Variants in B3GALT1 observed in about 807,000 individuals in gnomAD.
B3GALT1 encodes the protein beta-1,3-galactosyltransferase 1.
Under a neutral mutation model 23.2 loss-of-function variants are expected in B3GALT1, and 10 were observed. That is an observed-to-expected ratio of 0.43 (90% CI 0.27 to 0.73). B3GALT1 has a LOEUF of 0.73. Among genes scored for constraint, B3GALT1 ranks in the 30% least tolerant of loss-of-function variants. The probability of loss-of-function intolerance (pLI) is 0.21; values close to 1 mark genes in which losing one functional copy is unlikely to be tolerated. For missense variants in B3GALT1, 299 were observed against 405.4 expected (o/e 0.74, Z 2.25); for synonymous variants, 156 against 141.5 (o/e 1.10, Z -0.73).
chr2:167,663,880 G>A (rs867686952), intron 3 of B3GALT1, among the ~76,000 whole-genome samples: 30 of 151,982 alleles, frequency 2.0e-4, no homozygotes, highest in Middle Eastern at 3.4e-3. Flanking sequence ...CAGATGAGTA[G>A]GTTGCGAAAA....
intron 1 of B3GALT1, among the ~76,000 whole-genome samples, chr2:167,365,557 G>T (rs1697572371): frequency 1.3e-5 from 2 of 149,824 alleles, no homozygotes; most frequent in Middle Eastern, 3.4e-3. Flanking sequence ...TTTTCTTAGG[G>T]AATGCATATT....
chr2:167,424,131 A>G (rs1036573211), intron 1 of B3GALT1, among the ~76,000 whole-genome samples: 3 of 152,196 alleles, frequency 2.0e-5, no homozygotes, highest in South Asian at 4.1e-4. Flanking sequence ...AGCATCTAAC[A>G]TGCTAAATTG....
rs910300423 is a variant in B3GALT1, at chr2:167,675,647, C to G, written c.-352+28681C>G. On this transcript the variant is annotated intron_variant, in intron 3 of 4. Transcript: ENST00000392690. ...TTATTTTCCAAAACAGTGAACAACT[C>G]CTAGCAAAAACAAACCCCAAAAACT... is the stretch of plus-strand genomic sequence containing the variant. 9.9e-5 allele frequency among the ~76,000 whole-genome samples: 15 copies of G among 152,282 alleles called. No homozygotes were observed. In the East Asian group the frequency reaches 2.9e-3, roughly 29 times the overall value.
At chr2:167,688,023 G>A (rs1686645174) in intron 3 of B3GALT1, among the ~76,000 whole-genome samples, 3 of 152,018 alleles carry the variant, frequency 2.0e-5, no homozygotes, top group Admixed American at 6.6e-5. Context: ...ATAGCTAGCT[G>A]TGAATTTTTT....
chr2:167,641,204 C>T (rs1685647356), intron 2 of B3GALT1, among the ~76,000 whole-genome samples: 1 of 152,044 alleles, frequency 6.6e-6, no homozygotes, highest in Non-Finnish European at 1.5e-5. Context: ...ATTTTAATAA[C>T]CTCTATCTAT....
intron 2 of B3GALT1, among the ~76,000 whole-genome samples, chr2:167,555,040 T>A (rs545741787): frequency 6.6e-6 from 1 of 152,186 alleles, no homozygotes; most frequent in Non-Finnish European, 1.5e-5. Context: ...CTGAGTGATA[T>A]ACAAATCCAA....
intron 3 of B3GALT1, among the ~76,000 whole-genome samples, chr2:167,676,765 G>A (rs965604239): frequency 1.3e-5 from 2 of 152,046 alleles, no homozygotes; most frequent in Non-Finnish European, 2.9e-5. Context: ...TCGAACTCCT[G>A]GCCTCAAGTG....
chr2:167,566,724 A>G (rs1354809828), intron 2 of B3GALT1, among the ~76,000 whole-genome samples: 1 of 152,118 alleles, frequency 6.6e-6, no homozygotes, highest in Non-Finnish European at 1.5e-5. Context: ...CATGTATAGA[A>G]TGGGTCTAAA....
chr2:167,840,998 G>A (rs1302422580), intron 4 of B3GALT1, among the ~76,000 whole-genome samples: 1 of 134,088 alleles, frequency 7.5e-6, no homozygotes, highest in Non-Finnish European at 1.6e-5. Context: ...ACACAGGAAT[G>A]GGAACATCAT....
chr2:167,371,236 T>C (rs1697680187), intron 1 of B3GALT1, among the ~76,000 whole-genome samples: 1 of 152,114 alleles, frequency 6.6e-6, no homozygotes. Flanking sequence ...TCGTACATAG[T>C]AGGTACTCAA....
Position 167,762,970 on chromosome 2 carries a change from C to G in B3GALT1, c.-351-55702C>G, listed in dbSNP as rs1272110179. On this transcript the variant is annotated intron_variant, in intron 3 of 4. Transcript: ENST00000392690. ...CTGAAACAGTTACCATTATTCTTGCCCAGAGGGTGAATAGACCTGAAACTC... is the reference window on the plus strand; with the variant it reads ...CTGAAACAGTTACCATTATTCTTGCGCAGAGGGTGAATAGACCTGAAACTC... Among the ~76,000 whole-genome samples the G allele has an allele frequency of 2.0e-5, 3 of 152,070 alleles. No individual in the cohort carries two copies. In the East Asian group the frequency reaches 5.8e-4, roughly 29 times the overall value.
Position 167,483,063 on chromosome 2 carries a change from G to C in B3GALT1, c.-510-7114G>C, listed in dbSNP as rs553728243. Among the ~76,000 whole-genome samples, 244 of 152,218 alleles carry C rather than the reference G, an allele frequency of 1.6e-3. 3 individuals carry two copies. The highest frequency in any genetic ancestry group is 1.1e-3 in the Non-Finnish European group (76 of 68,012). On this transcript the variant is annotated intron_variant, in intron 1 of 4. Coordinates refer to ENST00000392690, the MANE Select transcript of B3GALT1 (RefSeq NM_020981.4). ...AATCCCAGCACTTTGGGAGGTGGAG[G>C]CAGGCAGATCACCTGAGGATGGGAG... is the stretch of plus-strand genomic sequence containing the variant.
At chr2:167,579,548 A>G (rs181120810) in intron 2 of B3GALT1, among the ~76,000 whole-genome samples, 83 of 151,096 alleles carry the variant, frequency 5.5e-4, no homozygotes, top group African/African-American at 1.9e-3. Flanking sequence ...TATGTTTTCA[A>G]GGTCGCTGAC....
intron 1 of B3GALT1, among the ~76,000 whole-genome samples, chr2:167,324,440 G>C (rs1696860804): frequency 6.6e-6 from 1 of 151,980 alleles, no homozygotes; most frequent in Admixed American, 6.6e-5. Context: ...ATAATCATGA[G>C]TAATCAATTA....
intron 4 of B3GALT1, among the ~76,000 whole-genome samples, chr2:167,843,087 C>T (rs1689682574): frequency 6.6e-6 from 1 of 152,144 alleles, no homozygotes; most frequent in Non-Finnish European, 1.5e-5. Context: ...TAGCAATTCA[C>T]AATACTGCCT....
At chr2:167,837,861 G>A (rs1008751387) in intron 4 of B3GALT1, among the ~76,000 whole-genome samples, 5 of 152,090 alleles carry the variant, frequency 3.3e-5, no homozygotes, top group African/African-American at 9.6e-5. Context: ...CTAGAACTCA[G>A]GATTAAGAAA....
chr2:167,380,338 T>C (rs1697830458), intron 1 of B3GALT1, among the ~76,000 whole-genome samples: 1 of 152,140 alleles, frequency 6.6e-6, no homozygotes, highest in African/African-American at 2.4e-5. Context: ...CACAGGCAGC[T>C]CAGTTCCAGG....
At position 167,542,731 on chromosome 2, in the gene B3GALT1, C is replaced by T. The variant is rs376954757; in HGVS notation, c.-410+52454C>T. ...CTTCTCCTATCTTGTTTTTGAAATGCATAGTTTACATAGAATGGGCAGAAT... is the reference window on the plus strand; with the variant it reads ...CTTCTCCTATCTTGTTTTTGAAATGTATAGTTTACATAGAATGGGCAGAAT... On this transcript the variant is annotated intron_variant, in intron 2 of 4. Transcript: ENST00000392690. Among the ~76,000 whole-genome samples, 160 of 151,392 alleles carry T rather than the reference C, an allele frequency of 1.1e-3. 2 individuals carry two copies. In the South Asian group the frequency reaches 0.02, roughly 19 times the overall value.
At chr2:167,421,899 G>T (rs1339247909) in intron 1 of B3GALT1, among the ~76,000 whole-genome samples, 2 of 152,186 alleles carry the variant, frequency 1.3e-5, no homozygotes, top group East Asian at 3.8e-4. Flanking sequence ...TAGTAAGTAA[G>T]CACTAGAATT....
Sources: gnomAD v4.1 joint callset for allele counts (sites outside exome capture counted in the v4.1 genomes callset) on GRCh38, gnomAD v4.1.1 for gene constraint, MANE v1.5 for transcripts, NCBI Gene and HGNC (gene_info 2026-07-23, HGNC 2026-07-21) for gene names.